The following ANK1 variants were observed in gnomAD, a reference collection of about 807,000 sequenced individuals.
ANK1 encodes the protein ankyrin-1.
Under a neutral mutation model 210.4 loss-of-function variants are expected in ANK1, and 51 were observed. The ratio of observed to expected loss-of-function variants is 0.24; its 90% CI spans 0.19 to 0.31. The LOEUF (loss-of-function observed/expected upper bound fraction) is 0.31. ANK1 is among the 10% of genes least tolerant of loss of function. The pLI is 1.00. For missense variants in ANK1, 2,051 were observed against 2,504.4 expected (o/e 0.82, Z 3.86); for synonymous variants, 967 against 1,025.9 (o/e 0.94, Z 1.10).
intron 31 of ANK1, among the ~76,000 whole-genome samples, chr8:41,690,971 C>T (rs188390193): frequency 1.3e-5 from 2 of 152,180 alleles, no homozygotes; most frequent in Non-Finnish European, 2.9e-5. Flanking sequence ...GCCTGTAATC[C>T]CTCCACTTTA....
At chr8:41,894,892 G>C (rs963702411) in intron 1 of ANK1, among the ~76,000 whole-genome samples, 1 of 151,974 alleles carries the variant, frequency 6.6e-6, no homozygotes, top group Non-Finnish European at 1.5e-5. Context: ...ATTCATCATC[G>C]GTTTGAAAAA....
chr8:41,723,936 C>T lies in ANK1; in HGVS notation c.712-303G>A, dbSNP rs866108700. Among the ~76,000 whole-genome samples the T allele has an allele frequency of 4.3e-3, 647 of 151,634 alleles. 3 individuals carry two copies. Among genetic ancestry groups the T allele is most frequent in the African/African-American group, 0.014 (585 of 41,296 alleles). On this transcript the variant is annotated intron_variant, in intron 7 of 42. Coordinates refer to ENST00000289734, the MANE Select transcript of ANK1 (RefSeq NM_000037.4). ...TCCTGTGTAGCTGGGACTACAGGCA[C>T]GCGCCACCATGCCCGGCTAATTTTT...
At chr8:41,671,716 G>A (rs1477421927) in intron 38 of ANK1, among the ~76,000 whole-genome samples, 13 of 138,528 alleles carry the variant, frequency 9.4e-5, no homozygotes, top group South Asian at 7.3e-4. Flanking sequence ...GAGTCTTCCC[G>A]GCGCCCCGAT....
At chr8:41,854,659 G>A (rs998381086) in intron 1 of ANK1, among the ~76,000 whole-genome samples, 8 of 152,310 alleles carry the variant, frequency 5.3e-5, no homozygotes, top group African/African-American at 9.6e-5. Flanking sequence ...TGCAGAATGC[G>A]CTGGTCGTGG....
At chr8:41,796,647 A>G (rs1667065179) in intron 1 of ANK1, among the ~76,000 whole-genome samples, 1 of 150,708 alleles carries the variant, frequency 6.6e-6, no homozygotes, top group Non-Finnish European at 1.5e-5. Context: ...AGCGACTTTT[A>G]GACAAGCAGA....
chr8:41,828,134 G>C (rs1215705426), intron 1 of ANK1: 1 of 152,264 alleles, frequency 6.6e-6, no homozygotes, highest in Admixed American at 6.5e-5. Context: ...CACCAGGTTG[G>C]AATCAAAATG....
At chr8:41,852,885 C>A (rs1811520190) in intron 1 of ANK1, among the ~76,000 whole-genome samples, 1 of 152,186 alleles carries the variant, frequency 6.6e-6, no homozygotes, top group African/African-American at 2.4e-5. Context: ...TGAGACTCTG[C>A]CACGTTTGAC....
intron 1 of ANK1, among the ~76,000 whole-genome samples, chr8:41,784,646 C>G (rs9886512): frequency 0.071 from 10,850 of 152,136 alleles, 493 homozygotes; most frequent in African/African-American, 0.12. Flanking sequence ...CTTCCACAAA[C>G]GTTTTTATCT....
At chr8:41,779,791 T>A (rs893133017) in intron 1 of ANK1, among the ~76,000 whole-genome samples, 1 of 152,330 alleles carries the variant, frequency 6.6e-6, no homozygotes, top group East Asian at 1.9e-4. Flanking sequence ...CAAGGTCACA[T>A]AGCAGAGAAG....
At chr8:41,831,902 A>T (rs1401507133) in intron 1 of ANK1, among the ~76,000 whole-genome samples, 2 of 152,220 alleles carry the variant, frequency 1.3e-5, no homozygotes, top group African/African-American at 4.8e-5. Flanking sequence ...TCCCAAAAGC[A>T]TGCTGCTACA....
intron 1 of ANK1, among the ~76,000 whole-genome samples, chr8:41,849,101 C>A (rs958864313): frequency 2.0e-5 from 3 of 152,222 alleles, no homozygotes; most frequent in African/African-American, 7.2e-5. Context: ...GAACTTGGAA[C>A]CAAGCTTCAA....
In ANK1 at chr8:41,699,490, C is replaced by G; in HGVS notation, c.2520G>C (p.Glu840Asp). The G allele has an allele frequency of 1.2e-6, 2 of 1,614,200 alleles. No individual in the cohort carries two copies. The highest frequency in any genetic ancestry group is 8.5e-7 in the Non-Finnish European group (1 of 1,180,048). Residue 840 changes from glutamate to aspartate, a missense_variant, in exon 23 of 43, where the codon GAG (glutamate) becomes GAC (aspartate). By Grantham distance (45) the Glu-to-Asp change is conservative. This residue lies in a region of ANK1 where 1,413 missense variants were observed against 1,707.4 expected (regional missense o/e 0.83). Transcript: ENST00000289734. The stretch of plus-strand genomic sequence containing the variant: ...TCGGCACAAAATCCAGCAGCTCCTT[C>G]TCTTCATCAACATCCCTGGAATCCC... ...ERRDSRDVDE[E>D]KELLDFVPKL...
At chr8:41,888,198 G>C (rs1407148809) in intron 1 of ANK1, among the ~76,000 whole-genome samples, 1 of 152,150 alleles carries the variant, frequency 6.6e-6, no homozygotes, top group East Asian at 1.9e-4. Flanking sequence ...TGCCAAGAAG[G>C]ACTCACCATC....
At chr8:41,690,645 C>T (rs1318023403) in intron 31 of ANK1, 46 bp from the exon 32 acceptor site, 1 of 1,599,350 alleles carries the variant, frequency 6.3e-7, no homozygotes, top group Non-Finnish European at 8.5e-7. Context: ...GAGAGAAGGG[C>T]CCAGATGTCC....
At chr8:41,819,485 T>C (rs1483434791) in intron 1 of ANK1, among the ~76,000 whole-genome samples, 3 of 152,142 alleles carry the variant, frequency 2.0e-5, no homozygotes, top group Non-Finnish European at 4.4e-5. Flanking sequence ...GTGGAAGGGA[T>C]AGTGTTTGTG....
intron 1 of ANK1, among the ~76,000 whole-genome samples, chr8:41,775,980 C>A (rs13262061): frequency 0.27 from 41,013 of 152,016 alleles, 5,849 homozygotes; most frequent in Non-Finnish European, 0.31. Context: ...AACCACCCTA[C>A]GAGTTAACAG....
At chr8:41,822,144 AAGAAAGAAAGAAAGAAAGAAAGAAAG>A (rs1804530786) in intron 1 of ANK1, among the ~76,000 whole-genome samples, 2 of 135,312 alleles carry the variant, frequency 1.5e-5, no homozygotes, top group African/African-American at 2.8e-5. Context: ...GAAAGAAAGA[AAGAAAGAAAGAAAGAAAGAAAGAAAG>A]AAAGAAAGAA....
intron 15 of ANK1, among the ~76,000 whole-genome samples, 191 bp from the exon 16 acceptor site, chr8:41,714,445 A>G (rs74771278): frequency 6.6e-6 from 1 of 152,038 alleles, no homozygotes; most frequent in African/African-American, 2.4e-5. Flanking sequence ...ACAGGGGGGA[A>G]CGTGGGCAGT....
chr8:41,741,310 C>T (rs1834738495), intron 2 of ANK1, among the ~76,000 whole-genome samples: 1 of 152,202 alleles, frequency 6.6e-6, no homozygotes, highest in African/African-American at 2.4e-5. Context: ...TCCTACACAC[C>T]TGGCTGTCGA....
Sources: allele counts gnomAD v4.1 joint callset (sites outside exome capture counted in the v4.1 genomes callset), GRCh38; gene constraint gnomAD v4.1.1; regional missense constraint gnomAD v4.1.1; transcripts MANE v1.5; gene names NCBI Gene and HGNC (gene_info 2026-07-23, HGNC 2026-07-21).